UBAC1: variants seen among roughly 807,000 people sequenced by gnomAD.
UBAC1 encodes ubiquitin-associated domain-containing protein 1.
UBAC1 carries 27 observed loss-of-function variants against 45.9 expected under a neutral mutation model. That is an observed-to-expected ratio of 0.59 (90% CI 0.43 to 0.81). The LOEUF (loss-of-function observed/expected upper bound fraction) is 0.81. Ranked by LOEUF, UBAC1 falls within the 30% of genes least tolerant of loss-of-function variation. UBAC1 has a pLI of 0.00. For missense variants in UBAC1, 529 were observed against 539.2 expected, an observed-to-expected ratio of 0.98 and a Z score of 0.19; for synonymous variants, 227 against 215.5, an observed-to-expected ratio of 1.05 and a Z score of -0.47.
At chr9:135,955,740 C>T (rs756117221) in intron 1 of UBAC1, among the ~76,000 whole-genome samples, 6 of 152,210 alleles carry the variant, frequency 3.9e-5, no homozygotes, top group African/African-American at 7.2e-5. Context: ...ATGAAAACAG[C>T]AGATCCATTG....
chr9:135,952,868 G>A lies in UBAC1; in HGVS notation c.333+812C>T, dbSNP rs867398727. ...GTTTCAGACTGCGCTGCATTTCTGC[G>A]TTTGGATTTTCCGATGGGGATGCTG... On this transcript the variant is annotated intron_variant, in intron 3 of 9. Transcript: ENST00000371756. Among the ~76,000 whole-genome samples, 10 of 152,364 alleles carry A rather than the reference G, an allele frequency of 6.6e-5. No individual in the cohort carries two copies. In the South Asian group the frequency reaches 8.3e-4, roughly 13 times the overall value.
chr9:135,952,854 C>A (rs748419066), intron 3 of UBAC1, among the ~76,000 whole-genome samples: 1 of 152,222 alleles, frequency 6.6e-6, no homozygotes. Flanking sequence ...TTTCAGACTG[C>A]GCTGCATTTC....
intron 4 of UBAC1, among the ~76,000 whole-genome samples, chr9:135,946,824 G>A (rs960244950): frequency 6.6e-6 from 1 of 152,242 alleles, no homozygotes; most frequent in African/African-American, 2.4e-5. Context: ...GGAGCCGTGG[G>A]ATGGACCGGA....
At chr9:135,933,762 T>C (rs561716487) in intron 9 of UBAC1, among the ~76,000 whole-genome samples, 1 of 152,294 alleles carries the variant, frequency 6.6e-6, no homozygotes, top group African/African-American at 2.4e-5. Context: ...GCAGTGTGCC[T>C]GTGCGTGCTC....
intron 4 of UBAC1, among the ~76,000 whole-genome samples, chr9:135,947,182 G>C (rs1839348356): frequency 6.6e-6 from 1 of 152,180 alleles, no homozygotes; most frequent in Non-Finnish European, 1.5e-5. Flanking sequence ...GTCCACGTGA[G>C]CACTGCAAAC....
intron 7 of UBAC1, chr9:135,942,323 C>T (rs1264535419): frequency 6.6e-6 from 1 of 152,110 alleles, no homozygotes. Context: ...AAACTTCCTG[C>T]TAAACCTAGA....
intron 7 of UBAC1, among the ~76,000 whole-genome samples, chr9:135,943,970 G>A (rs1036914129): frequency 6.6e-6 from 1 of 152,142 alleles, no homozygotes; most frequent in Admixed American, 6.5e-5. Context: ...GGGCCCATCA[G>A]GGGGTCTGGG....
At chr9:135,945,773 G>T in intron 6 of UBAC1, 116 bp downstream of exon 6, 2 of 777,700 alleles carry the variant, frequency 2.6e-6, no homozygotes, top group Non-Finnish European at 2.1e-6. Flanking sequence ...AAAACCCCAC[G>T]TTAGAAATGA....
chr9:135,952,317 C>T (rs940334345), intron 3 of UBAC1, among the ~76,000 whole-genome samples: 3 of 152,272 alleles, frequency 2.0e-5, no homozygotes, highest in African/African-American at 7.2e-5. Context: ...CTGGGGTGAA[C>T]ACTCTCCTTA....
chr9:135,937,626 A>G (rs10745378), intron 9 of UBAC1, among the ~76,000 whole-genome samples: 146,325 of 152,074 alleles, frequency 0.96, 70,539 homozygotes, highest in East Asian at 1. Flanking sequence ...GAGATTGTTT[A>G]AGGAGACACA....
At chr9:135,945,822 G>T in intron 6 of UBAC1, 67 bp downstream of exon 6, 2 of 1,327,616 alleles carry the variant, frequency 1.5e-6, no homozygotes, top group Non-Finnish European at 2.2e-6. Flanking sequence ...CGTCACCCAC[G>T]GTGGGAGCCC....
At chr9:135,933,768 T>A (rs1839174363) in intron 9 of UBAC1, among the ~76,000 whole-genome samples, 1 of 152,038 alleles carries the variant, frequency 6.6e-6, no homozygotes, top group Admixed American at 6.5e-5. Flanking sequence ...TGCCTGTGCG[T>A]GCTCATGGCA....
chr9:135,937,582 A>T (rs535278551), intron 9 of UBAC1, among the ~76,000 whole-genome samples: 14 of 152,270 alleles, frequency 9.2e-5, no homozygotes, highest in Non-Finnish European at 1.8e-4. Context: ...TGCTTAAAAC[A>T]TGATTCTACT....
intron 4 of UBAC1, 65 bp downstream of exon 4, chr9:135,947,733 C>A (rs920722722): frequency 5.4e-5 from 74 of 1,373,426 alleles, no homozygotes; most frequent in Non-Finnish European, 7.0e-5. Context: ...CCGCAGGAAC[C>A]CCCCCACAGC....
chr9:135,953,237 C>G (rs1252814575), intron 3 of UBAC1, among the ~76,000 whole-genome samples: 1 of 152,164 alleles, frequency 6.6e-6, no homozygotes, highest in African/African-American at 2.4e-5. Context: ...ATAACCACAT[C>G]TACTGTAAAT....
At chr9:135,959,119 T>C (rs535871570) in intron 1 of UBAC1, among the ~76,000 whole-genome samples, 3 of 152,312 alleles carry the variant, frequency 2.0e-5, no homozygotes, top group Admixed American at 2.0e-4. Flanking sequence ...TAAAAGAGTA[T>C]CATGATGGCC....
At position 135,945,882 on chromosome 9, in the gene UBAC1, C is replaced by T; in HGVS notation, c.653+7G>A. The stretch of plus-strand genomic sequence containing the variant: ...CCGGCAAGGGAAGGAGGTGGCCCCC[C>T]ACGCACTGGTTCAGCTGAAGGGCCT... On this transcript the variant is annotated splice_region_variant and intron_variant, in intron 6 of 9. Transcript: ENST00000371756. 6.2e-7 allele frequency: 1 copy of T among 1,613,550 alleles called. No homozygotes were observed. Among genetic ancestry groups the T allele is most frequent in the East Asian group, 2.2e-5 (1 of 44,858 alleles).
rs898123394 is a variant in UBAC1 at position 135,932,971 on chromosome 9, G to A, written c.*429C>T. Reference sequence around the variant, plus strand: ...CAAGAAAAGACGAAGACAGGAAATAGGAAAAGGGACTTTATTAAAGAAAAG... The same window carrying A: ...CAAGAAAAGACGAAGACAGGAAATAAGAAAAGGGACTTTATTAAAGAAAAG... On this transcript the variant is annotated 3_prime_UTR_variant, in exon 10 of 10. Coordinates refer to ENST00000371756, the MANE Select transcript of UBAC1 (RefSeq NM_016172.3). The A allele has an allele frequency of 1.9e-5, 3 of 155,630 alleles. No individual in the cohort carries two copies. Among genetic ancestry groups the A allele is most frequent in the African/African-American group, 7.2e-5 (3 of 41,534 alleles). 9.6% of individuals were successfully genotyped at this position (155,630 alleles called of 1,614,324 possible). A position where few individuals can be genotyped will look rare whatever the true frequency, so the allele number is the denominator to read the frequency against.
chr9:135,949,760 C>A, intron 3 of UBAC1, among the ~76,000 whole-genome samples: 1 of 152,240 alleles, frequency 6.6e-6, no homozygotes, highest in Non-Finnish European at 1.5e-5. Flanking sequence ...GGCAGTTGCC[C>A]GTGCGTGGCT....
Sources: allele counts gnomAD v4.1 joint callset (sites outside exome capture counted in the v4.1 genomes callset), GRCh38; gene constraint gnomAD v4.1.1; transcripts MANE v1.5; gene names NCBI Gene and HGNC (gene_info 2026-07-23, HGNC 2026-07-21).